The following PHLPP1 variants were observed in gnomAD, a reference collection of about 807,000 sequenced individuals.
PHLPP1 encodes PH domain and leucine rich repeat protein phosphatase 1.
In PHLPP1, 42 loss-of-function variants were observed where a neutral mutation model predicts 117.2. That is an observed-to-expected ratio of 0.36 (90% confidence interval 0.28 to 0.46). The LOEUF (loss-of-function observed/expected upper bound fraction) is 0.46. Among genes scored for constraint, PHLPP1 ranks in the 20% least tolerant of loss-of-function variants. The probability of loss-of-function intolerance (pLI) is 1.00; values close to 1 mark genes in which losing one functional copy is unlikely to be tolerated. For synonymous variants in PHLPP1, 1,042 were observed against 970.7 expected, an observed-to-expected ratio of 1.07 and a Z score of -1.37; for missense variants, 2,084 against 2,241.9, an observed-to-expected ratio of 0.93 and a Z score of 1.42.
chr18:62,742,604 T>A (rs1471623294), intron 1 of PHLPP1, among the ~76,000 whole-genome samples: 1 of 152,098 alleles, frequency 6.6e-6, no homozygotes, highest in Non-Finnish European at 1.5e-5. Context: ...CCTGGCTAAT[T>A]TTTGTATTTT....
chr18:62,825,605 T>G, intron 1 of PHLPP1: 1 of 151,528 alleles, frequency 6.6e-6, no homozygotes, highest in Non-Finnish European at 1.5e-5. Flanking sequence ...GGACTACAGG[T>G]GCCTGCCACC....
rs116875304 is a variant in PHLPP1 at position 62,882,217 on chromosome 18, G to A, written c.2067-12794G>A. Among the ~76,000 whole-genome samples the A allele has an allele frequency of 2.4e-4, 37 of 151,894 alleles. No homozygotes were observed. The East Asian group carries it at 6.8e-3, about 28-fold the overall frequency. ...AGGAATTGGAATTTGAGGAGTTCAT[G>A]GAAAAGGAAGTTGCTTACTGGGGGT... On this transcript the variant is annotated intron_variant, in intron 4 of 16. Transcript: ENST00000262719.
chr18:62,780,018 T>C (rs1285265126), intron 1 of PHLPP1, among the ~76,000 whole-genome samples: 1 of 152,172 alleles, frequency 6.6e-6, no homozygotes, highest in Non-Finnish European at 1.5e-5. Context: ...TTGAATGAAA[T>C]GGTCTCAAAT....
intron 1 of PHLPP1, among the ~76,000 whole-genome samples, chr18:62,808,557 G>GTTTTTTTTTTTTTTGT (rs553137209): frequency 4.4e-5 from 6 of 135,538 alleles, no homozygotes; most frequent in East Asian, 2.1e-4. Context: ...GTTTTTTTTT[G>GTTTTTTTTTTTTTTGT]TTTTTTTTTT....
At chr18:62,723,053 G>A (rs1010871024) in intron 1 of PHLPP1, among the ~76,000 whole-genome samples, 1 of 152,174 alleles carries the variant, frequency 6.6e-6, no homozygotes, top group African/African-American at 2.4e-5. Flanking sequence ...GCATACTGAA[G>A]TAATTTTTTT....
chr18:62,780,565 C>T (rs550637943), intron 1 of PHLPP1, among the ~76,000 whole-genome samples: 3 of 152,214 alleles, frequency 2.0e-5, no homozygotes, highest in East Asian at 3.9e-4. Context: ...TGTTCCATTC[C>T]GTGTTCTGTA....
chr18:62,886,755 C>T (rs1302680967), intron 4 of PHLPP1, among the ~76,000 whole-genome samples: 3 of 152,160 alleles, frequency 2.0e-5, no homozygotes, highest in African/African-American at 7.2e-5. Context: ...TAAGTCAGAC[C>T]TGAGTGATGC....
intron 1 of PHLPP1, among the ~76,000 whole-genome samples, chr18:62,769,253 C>G (rs572390416): frequency 5.3e-5 from 8 of 152,134 alleles, no homozygotes; most frequent in African/African-American, 1.7e-4. Flanking sequence ...TTGACTAAGC[C>G]TTTTAGTATT....
At position 62,716,308 on chromosome 18, in the gene PHLPP1, C is replaced by A. The variant is rs1324461393; in HGVS notation, c.625C>A (p.Arg209Ser). The change falls in exon 1 of 17, where the codon CGC (arginine) becomes AGC (serine). Residue 209 changes from arginine (R) to serine (S), a missense_variant. This residue lies in a region of PHLPP1 where 719 missense variants were observed against 636.0 expected (regional missense o/e 1.13). Transcript: ENST00000262719. The surrounding 1 kb of genome is among the most constrained non-coding windows in gnomAD (Gnocchi z 5.7). ...LQRGCVHVFDRHMASTYLRPV... is the reference protein window; with the variant it reads ...LQRGCVHVFDSHMASTYLRPV... ...GCGCGGCTGCGTGCACGTCTTCGAC[C>A]GCCACATGGCCTCGACCTACCTGCG... is the stretch of plus-strand genomic sequence containing the variant. 1 of 1,531,308 alleles carries A rather than the reference C, an allele frequency of 6.5e-7. No homozygotes were observed. Among genetic ancestry groups the A allele is most frequent in the Non-Finnish European group, 8.7e-7 (1 of 1,145,312 alleles). The allele number at this position is 1,531,308 out of a possible 1,614,324, so 94.9% of individuals were successfully genotyped here. A position where few individuals can be genotyped will look rare whatever the true frequency, so the allele number is the denominator to read the frequency against.
At chr18:62,756,737 G>T (rs182726973) in intron 1 of PHLPP1, among the ~76,000 whole-genome samples, 1 of 152,176 alleles carries the variant, frequency 6.6e-6, no homozygotes, top group African/African-American at 2.4e-5. Context: ...GGTTTCCCAC[G>T]TATCAGTGGG....
At chr18:62,874,600 G>A (rs1915990597) in intron 4 of PHLPP1, among the ~76,000 whole-genome samples, 1 of 152,180 alleles carries the variant, frequency 6.6e-6, no homozygotes, top group Non-Finnish European at 1.5e-5. Context: ...AAGAGTGCCA[G>A]ACAGGAACCA....
At chr18:62,947,833 C>T (rs1047416305) in intron 12 of PHLPP1, among the ~76,000 whole-genome samples, 1 of 151,938 alleles carries the variant, frequency 6.6e-6, no homozygotes, top group East Asian at 1.9e-4. Flanking sequence ...CGAGACCAGC[C>T]TGGCCAACAT....
chr18:62,948,424 G>T (rs1475043557), intron 12 of PHLPP1, among the ~76,000 whole-genome samples: 1 of 152,156 alleles, frequency 6.6e-6, no homozygotes, highest in Non-Finnish European at 1.5e-5. Context: ...CTCTTGCTTG[G>T]ATTCCTGGAT....
chr18:62,740,129 C>G (rs1880600639), intron 1 of PHLPP1, among the ~76,000 whole-genome samples: 1 of 111,512 alleles, frequency 9.0e-6, no homozygotes, highest in African/African-American at 3.5e-5. Flanking sequence ...TTCCCTGCTC[C>G]TAATCTGTAG....
chr18:62,716,708 C>T lies in PHLPP1; in HGVS notation c.1025C>T (p.Pro342Leu), dbSNP rs745991504. The T allele has an allele frequency of 1.4e-5, 21 of 1,493,444 alleles. No homozygotes were observed. The highest frequency in any genetic ancestry group is 3.4e-4 in the Middle Eastern group (2 of 5,856). 92.5% of individuals were successfully genotyped at this position (1,493,444 alleles called of 1,614,324 possible). The change falls in exon 1 of 17, where the codon CCT becomes CTT. Residue 342 changes from proline (P) to leucine (L), a missense_variant. Transcript: ENST00000262719. This position sits in a 1 kb window ranked among gnomAD's most constrained non-coding sequence, Gnocchi z 5.7. Reference protein sequence around the residue: ...GPVSSPRAPRPVVSDTESFSL... With the variant: ...GPVSSPRAPRLVVSDTESFSL... Reference sequence around the variant, plus strand: ...GTCTCTTCGCCCCGCGCCCCACGGCCTGTGGTCTCCGACACCGAGAGCTTC... The same window carrying T: ...GTCTCTTCGCCCCGCGCCCCACGGCTTGTGGTCTCCGACACCGAGAGCTTC...
chr18:62,896,295 GT>G lies in PHLPP1; in HGVS notation c.2444+298del, dbSNP rs11373740. 4.3e-4 allele frequency among the ~76,000 whole-genome samples: 60 copies of G among 140,226 alleles called. 1 individual carries two copies. The highest frequency in any genetic ancestry group is 9.0e-4 in the South Asian group (4 of 4,466). The allele number at this position is 140,226 out of a possible 152,430, so 92.0% of individuals were successfully genotyped here. On this transcript the variant is annotated intron_variant, in intron 6 of 16. Transcript: ENST00000262719. Reference sequence around the variant, plus strand: ...GGTTTTTGTTTTTTTTGTTGTTCTTGTTTTTTTTTTTTTTGAGTCAAAGTCT... The same window carrying G: ...GGTTTTTGTTTTTTTTGTTGTTCTTGTTTTTTTTTTTTTGAGTCAAAGTCT...
At chr18:62,874,407 GC>G (rs1915985965) in intron 4 of PHLPP1, among the ~76,000 whole-genome samples, 1 of 152,070 alleles carries the variant, frequency 6.6e-6, no homozygotes, top group African/African-American at 2.4e-5. Context: ...TATTTGGGAG[GC>G]TGAGGCATGA....
At chr18:62,862,090 CT>C (rs1449297870) in intron 4 of PHLPP1, among the ~76,000 whole-genome samples, 1 of 140,272 alleles carries the variant, frequency 7.1e-6, no homozygotes, top group Non-Finnish European at 1.6e-5. Context: ...TTTTTTTTTT[CT>C]TTTTTTGAGA....
chr18:62,837,401 G>A (rs995318366), intron 2 of PHLPP1, among the ~76,000 whole-genome samples: 1 of 151,906 alleles, frequency 6.6e-6, no homozygotes, highest in African/African-American at 2.4e-5. Context: ...TTAATCTCTG[G>A]CGAATCTGTA....
Sources: gnomAD v4.1 joint callset for allele counts (sites outside exome capture counted in the v4.1 genomes callset) on GRCh38, gnomAD v4.1.1 for gene constraint, gnomAD v4.1.1 regional missense constraint, Gnocchi (gnomAD v3.1) non-coding constraint, MANE v1.5 for transcripts, NCBI Gene and HGNC (gene_info 2026-07-23, HGNC 2026-07-21) for gene names.